Variants in TBCK observed in about 807,000 individuals in gnomAD.
TBCK encodes the protein TBC domain-containing protein kinase-like protein.
In TBCK, 99 loss-of-function variants were observed where a neutral mutation model predicts 113.4. That is an observed-to-expected ratio of 0.87 (90% CI 0.74 to 1.03). The LOEUF (loss-of-function observed/expected upper bound fraction) is 1.03, where lower values mean the gene tolerates loss of function less well. Ranked by LOEUF, TBCK falls within the 50% of genes least tolerant of loss-of-function variation. The pLI is 0.00. For synonymous variants in TBCK, 369 were observed against 370.8 expected (o/e 1.00, Z 0.05); for missense variants, 1,045 against 1,061.3 (o/e 0.98, Z 0.21).
At chr4:106,289,795 G>C (rs567425989) in intron 3 of TBCK, among the ~76,000 whole-genome samples, 3 of 150,050 alleles carry the variant, frequency 2.0e-5, no homozygotes, top group Admixed American at 1.3e-4. Context: ...AAAAAAAGAC[G>C]ATTGATGTAT....
chr4:106,121,183 A>G (rs1205464912), intron 23 of TBCK, among the ~76,000 whole-genome samples: 1 of 151,960 alleles, frequency 6.6e-6, no homozygotes, highest in African/African-American at 2.4e-5. Context: ...AGGAAGATCT[A>G]CCAAGCAAAT....
intron 19 of TBCK, among the ~76,000 whole-genome samples, chr4:106,229,908 G>A (rs1224940857): frequency 6.6e-6 from 1 of 151,948 alleles, no homozygotes; most frequent in East Asian, 1.9e-4. Context: ...CTCTTAAGGA[G>A]GAGGTATATT....
rs548407440 is a variant in TBCK, at chr4:106,157,863, C to T, written c.2235+13232G>A. 1.3e-4 allele frequency among the ~76,000 whole-genome samples: 20 copies of T among 152,224 alleles called. 1 individual carries two copies. Among genetic ancestry groups the T allele is most frequent in the South Asian group, 6.2e-4 (3 of 4,818 alleles). On this transcript the variant is annotated intron_variant, in intron 23 of 25. Coordinates refer to ENST00000394708, the MANE Select transcript of TBCK (RefSeq NM_001163435.3). ...ATGCTCGGTGAAGACTTCAATTTGG[C>T]CATCTTACTTTGCCCCCTCCCTATC...
At chr4:106,310,182 T>G (rs991376044) in intron 1 of TBCK, among the ~76,000 whole-genome samples, 1 of 152,124 alleles carries the variant, frequency 6.6e-6, no homozygotes, top group Non-Finnish European at 1.5e-5. Flanking sequence ...GAAACCTTAC[T>G]GAAATCATTA....
rs139522309 is a variant in TBCK, at chr4:106,236,465, C to A, written c.1275G>T (p.Thr425=). Residue 425 remains threonine, a synonymous_variant, in exon 14 of 26, where the codon ACG becomes ACT. Transcript: ENST00000394708. The stretch of plus-strand genomic sequence containing the variant: ...CCTTCTCTCTGATGATTAAAGGGAG[C>A]GTGGCAGCTGCAGACAACTCATTAT... ...NSNNELSAAA[T]LPLIIREKDT... 9.5e-6 allele frequency: 15 copies of A among 1,577,150 alleles called. No individual in the cohort carries two copies. The South Asian group carries it at 1.8e-4, about 19-fold the overall frequency.
intron 3 of TBCK, among the ~76,000 whole-genome samples, chr4:106,279,055 T>C (rs979753115): frequency 6.6e-6 from 1 of 152,162 alleles, no homozygotes; most frequent in Non-Finnish European, 1.5e-5. Context: ...CAACAGGAAA[T>C]TAGACTAGTT....
At chr4:106,068,657 T>C (rs966786616) in intron 25 of TBCK, among the ~76,000 whole-genome samples, 3 of 152,226 alleles carry the variant, frequency 2.0e-5, no homozygotes, top group African/African-American at 4.8e-5. Context: ...CCTTTGGCTA[T>C]ATACCCAGTA....
At chr4:106,096,847 A>G (rs1174973156) in intron 24 of TBCK, among the ~76,000 whole-genome samples, 2 of 152,180 alleles carry the variant, frequency 1.3e-5, no homozygotes, top group African/African-American at 4.8e-5. Context: ...AAATTTGTTC[A>G]GCCATCCATA....
intron 23 of TBCK, among the ~76,000 whole-genome samples, chr4:106,162,252 C>A (rs1167583557): frequency 6.6e-6 from 1 of 152,196 alleles, no homozygotes; most frequent in African/African-American, 2.4e-5. Flanking sequence ...CCAGGTCATG[C>A]TGATGCAAGA....
chr4:106,127,665 G>A (rs1479981672), intron 23 of TBCK, among the ~76,000 whole-genome samples: 1 of 152,032 alleles, frequency 6.6e-6, no homozygotes, highest in Non-Finnish European at 1.5e-5. Flanking sequence ...GTGTGTGTGT[G>A]CATGTTTGTG....
intron 25 of TBCK, among the ~76,000 whole-genome samples, chr4:106,065,426 AG>A (rs2149467239): frequency 6.6e-6 from 1 of 152,174 alleles, no homozygotes; most frequent in East Asian, 1.9e-4. Flanking sequence ...TTTTTGCAAC[AG>A]CACAAGAGTG....
In TBCK at chr4:106,134,961, G is replaced by T. The variant is rs138237290; in HGVS notation, c.2236-18583C>A. On this transcript the variant is annotated intron_variant, in intron 23 of 25. Coordinates refer to ENST00000394708, the MANE Select transcript of TBCK (RefSeq NM_001163435.3). ...TCAACCAGTACAGTCAATCTAAAGT[G>T]CTTGGTAGACTGTAGATCTTTACAT... is the stretch of plus-strand genomic sequence containing the variant. 3.1e-3 allele frequency among the ~76,000 whole-genome samples: 470 copies of T among 152,242 alleles called. 2 individuals are homozygous for T. The highest frequency in any genetic ancestry group is 0.011 in the African/African-American group (438 of 41,536).
chr4:106,191,786 C>A (rs1380908082), intron 22 of TBCK, among the ~76,000 whole-genome samples: 2 of 152,096 alleles, frequency 1.3e-5, no homozygotes, highest in Non-Finnish European at 2.9e-5. Context: ...CCCAATTGTA[C>A]CAGCTGACAC....
rs867629646 is a variant in TBCK, at chr4:106,220,141, T to A, written c.1775-7306A>T. ...TGGTTTGGCTGTGTCCCCACCCAAA[T>A]CTCAACTTGAATTGTATCTTCCAGA... On this transcript the variant is annotated intron_variant, in intron 19 of 25. Transcript: ENST00000394708. 9.2e-5 allele frequency among the ~76,000 whole-genome samples: 14 copies of A among 152,338 alleles called. No homozygotes were observed. In the South Asian group the frequency reaches 1.0e-3, roughly 11 times the overall value.
intron 20 of TBCK, among the ~76,000 whole-genome samples, chr4:106,205,788 A>G (rs1254120689): frequency 1.3e-5 from 2 of 151,134 alleles, no homozygotes; most frequent in Non-Finnish European, 3.0e-5. Context: ...AAAAAACAAA[A>G]AAAACCACTG....
At chr4:106,191,047 C>T (rs1482695153) in intron 22 of TBCK, among the ~76,000 whole-genome samples, 5 of 152,174 alleles carry the variant, frequency 3.3e-5, no homozygotes, top group African/African-American at 1.2e-4. Context: ...TAACCAATTG[C>T]TCAGTGAACA....
intron 24 of TBCK, among the ~76,000 whole-genome samples, chr4:106,111,865 A>C (rs1185098486): frequency 1.3e-5 from 2 of 152,196 alleles, no homozygotes; most frequent in Non-Finnish European, 2.9e-5. Flanking sequence ...TATTAACTGG[A>C]TTTGCCCCAC....
At chr4:106,181,956 G>A (rs1752445921) in intron 22 of TBCK, among the ~76,000 whole-genome samples, 1 of 152,090 alleles carries the variant, frequency 6.6e-6, no homozygotes, top group African/African-American at 2.4e-5. Context: ...AATTACTTTG[G>A]GCAGTAAGGC....
chr4:106,075,979 C>G (rs547874276), intron 25 of TBCK, among the ~76,000 whole-genome samples: 35 of 152,190 alleles, frequency 2.3e-4, no homozygotes, highest in Non-Finnish European at 4.6e-4. Flanking sequence ...TCGGAGCTCA[C>G]TGAGTTAAGG....
Sources: allele counts gnomAD v4.1 joint callset (sites outside exome capture counted in the v4.1 genomes callset), GRCh38; gene constraint gnomAD v4.1.1; transcripts MANE v1.5; gene names NCBI Gene and HGNC (gene_info 2026-07-23, HGNC 2026-07-21).